Variants in CAD observed in about 807,000 individuals in gnomAD.
The protein encoded by CAD is carbamoyl-phosphate synthetase 2, aspartate transcarbamylase, and dihydroorotase, also known as multifunctional protein CAD.
A neutral mutation model predicts 237.2 loss-of-function variants in CAD; 81 were observed. The observed-to-expected ratio is 0.34, with a 90% CI of 0.29 to 0.41. The LOEUF (loss-of-function observed/expected upper bound fraction) is 0.41. Among genes scored for constraint, CAD ranks in the 10% least tolerant of loss-of-function variants. CAD has a pLI of 1.00. For missense variants in CAD, 2,181 were observed against 2,951.7 expected (o/e 0.74, Z 6.05); for synonymous variants, 1,196 against 1,162.8 (o/e 1.03, Z -0.58).
At position 27,225,017 on chromosome 2, in the gene CAD, G is replaced by A. The variant is rs753393523; in HGVS notation, c.1394G>A (p.Arg465His). 101 of 1,609,692 alleles carry A rather than the reference G, an allele frequency of 6.3e-5. No individual in the cohort carries two copies. Among genetic ancestry groups the A allele is most frequent in the Non-Finnish European group, 7.9e-5 (93 of 1,176,404 alleles). The change falls in exon 11 of 44, where the codon CGT becomes CAT. Residue 465 changes from arginine to histidine, a missense_variant. Physicochemically the swap from Arg to His is conservative, Grantham distance 29 (BLOSUM62 0). This residue lies in a region of CAD where 174 missense variants were observed against 215.8 expected (regional missense o/e 0.81). Transcript: ENST00000264705. ...ITPHYVTQVI[R>H]NERPDGVLLT... ...TCCCCTCTCCATCCTCAGGTGATACGTAATGAACGCCCCGATGGTGTGTTA... is the reference window on the plus strand; with the variant it reads ...TCCCCTCTCCATCCTCAGGTGATACATAATGAACGCCCCGATGGTGTGTTA...
chr2:27,231,894 C>G (rs765839105), intron 16 of CAD, 86 bp from the exon 17 acceptor site: 16 of 1,527,440 alleles, frequency 1.0e-5, no homozygotes, highest in African/African-American at 1.4e-5. Context: ...TACAGTTTCC[C>G]CTTCCTGAGA....
At position 27,243,440 on chromosome 2, in the gene CAD, C is replaced by T. The variant is rs747215375; in HGVS notation, c.6600C>T (p.Arg2200=). The change falls in exon 44 of 44, where the codon CGC becomes CGT. Residue 2200 remains arginine (R), a synonymous_variant. Coordinates refer to ENST00000264705, the MANE Select transcript of CAD (RefSeq NM_004341.5). ...GCGTGGAAGTGGACTCGGATCCCCG[C>T]GCAGCCTACTTCCGCCAGGCTGAGA... ...EISVEVDSDP[R]AAYFRQAENG... is the part of the protein sequence containing the mutation. 4.1e-5 allele frequency: 66 copies of T among 1,607,186 alleles called. No homozygotes were observed. The highest frequency in any genetic ancestry group is 2.6e-4 in the African/African-American group (19 of 73,862).
At chr2:27,234,249 C>T in intron 22 of CAD, 23 bp downstream of exon 22, 1 of 1,594,384 alleles carries the variant, frequency 6.3e-7, no homozygotes, top group South Asian at 1.1e-5. Context: ...AAGGAAAGAA[C>T]TAAAGGGCCA....
intron 15 of CAD, among the ~76,000 whole-genome samples, chr2:27,230,626 A>G (rs1278744445): frequency 7.0e-6 from 1 of 141,852 alleles, no homozygotes; most frequent in Non-Finnish European, 1.5e-5. Flanking sequence ...AAGTCCATCT[A>G]AAAAAAAAAA....
chr2:27,217,802 C>G (rs1371589499), intron 1 of CAD, 75 bp from the exon 2 acceptor site: 2 of 1,515,084 alleles, frequency 1.3e-6, no homozygotes, highest in African/African-American at 1.4e-5. Flanking sequence ...GCAGCCTCCA[C>G]TGGGGCGTGC....
rs1047699005 is a variant in CAD, at chr2:27,223,393, T to C, written c.810-170T>C. The stretch of plus-strand genomic sequence containing the variant: ...TTGCAGTGAGCGGAGATCGTGCCAT[T>C]GCCCTCCAGCCCGGGAAACAGAGGG... On this transcript the variant is annotated intron_variant, in intron 6 of 43. Coordinates refer to ENST00000264705, the MANE Select transcript of CAD (RefSeq NM_004341.5). Among the ~76,000 whole-genome samples the C allele has an allele frequency of 3.7e-4, 56 of 149,536 alleles. No homozygotes were observed. Among genetic ancestry groups the C allele is most frequent in the Non-Finnish European group, 7.5e-4 (51 of 67,568 alleles).
In CAD at chr2:27,239,908, A is replaced by G. The variant is rs1676217944; in HGVS notation, c.5496+110A>G. On this transcript the variant is annotated intron_variant, in intron 34 of 43. Transcript: ENST00000264705. The surrounding 1 kb of genome is among the most constrained non-coding windows in gnomAD (Gnocchi z 4.0). ...GGAACAATTGGGGTTTTCTTGAGGG[A>G]CTGAATTTGAAGTGGGGTTGGGTCA... 3 of 807,886 alleles carry G rather than the reference A, an allele frequency of 3.7e-6. No homozygotes were observed. Among genetic ancestry groups the G allele is most frequent in the Non-Finnish European group, 5.7e-6 (3 of 523,510 alleles). The allele number at this position is 807,886 out of a possible 1,614,324, so 50.0% of individuals were successfully genotyped here.
rs1367055620 is a variant in CAD, at chr2:27,243,852, G to A, written c.*334G>A. 3.7e-6 allele frequency: 1 copy of A among 269,136 alleles called. No individual in the cohort carries two copies. The highest frequency in any genetic ancestry group is 2.2e-5 in the African/African-American group (1 of 45,122). The allele number at this position is 269,136 out of a possible 1,614,324, so 16.7% of individuals were successfully genotyped here. ...AGCAGATTCCCAAATTATAAGAGCA[G>A]CCTCACCAGGCAGGGCTCTGGCTAG... On this transcript the variant is annotated 3_prime_UTR_variant, in exon 44 of 44. Coordinates refer to ENST00000264705, the MANE Select transcript of CAD (RefSeq NM_004341.5).
In CAD at chr2:27,232,652, A is replaced by G; in HGVS notation, c.2850A>G (p.Glu950=). ...TCTACCGTATTGGCTCTAGCGTTGA[A>G]TTTGACTGGTGTGCTGTAGGCTGCA... The part of the protein sequence containing the change: ...SGVYRIGSSV[E]FDWCAVGCIQ... Residue 950 remains glutamate, a synonymous_variant, in exon 18 of 44, where the codon GAA becomes GAG. Coordinates refer to ENST00000264705, the MANE Select transcript of CAD (RefSeq NM_004341.5). The surrounding 1 kb of genome is among the most constrained non-coding windows in gnomAD (Gnocchi z 4.1). 1 of 1,614,240 alleles carries G rather than the reference A, an allele frequency of 6.2e-7. No individual in the cohort carries two copies. Among genetic ancestry groups the G allele is most frequent in the African/African-American group, 1.3e-5 (1 of 75,072 alleles).
At position 27,221,204 on chromosome 2, in the gene CAD, C is replaced by T; in HGVS notation, c.223-14C>T. The T allele has an allele frequency of 1.3e-6, 2 of 1,495,458 alleles. No individual in the cohort carries two copies. Among genetic ancestry groups the T allele is most frequent in the Non-Finnish European group, 1.8e-6 (2 of 1,113,278 alleles). 92.6% of individuals were successfully genotyped at this position (1,495,458 alleles called of 1,614,324 possible). A position where few individuals can be genotyped will look rare whatever the true frequency, so the allele number is the denominator to read the frequency against. On this transcript the variant is annotated splice_polypyrimidine_tract_variant and intron_variant, in intron 2 of 43. Coordinates refer to ENST00000264705, the MANE Select transcript of CAD (RefSeq NM_004341.5). ...CTTGGCCTGAGGCTTCTCACAATCT[C>T]TTTCCATCTACAGTGGTTTGAATCC...
In CAD at chr2:27,242,290, CCTT is replaced by C. The variant is rs1676360254; in HGVS notation, c.6097-11_6097-9del. The C allele has an allele frequency of 6.2e-7, 1 of 1,603,952 alleles. No individual in the cohort carries two copies. Among genetic ancestry groups the C allele is most frequent in the African/African-American group, 1.3e-5 (1 of 74,698 alleles). ...TGAGCTGCAAAAGACAGGATTTTCCCCTTTTTTCCAGCTGGCCGCCAAGCACTG... is the reference window on the plus strand; with the variant it reads ...TGAGCTGCAAAAGACAGGATTTTCCCTTTTCCAGCTGGCCGCCAAGCACTG... On this transcript the variant is annotated splice_polypyrimidine_tract_variant and intron_variant, in intron 39 of 43. Coordinates refer to ENST00000264705, the MANE Select transcript of CAD (RefSeq NM_004341.5). The surrounding 1 kb of genome is among the most constrained non-coding windows in gnomAD (Gnocchi z 6.4).
Position 27,224,881 on chromosome 2 carries a change from G to A in CAD, c.1386+5G>A, listed in dbSNP as rs182598111. The A allele has an allele frequency of 2.5e-4, 399 of 1,614,188 alleles. 1 individual carries two copies. Among genetic ancestry groups the A allele is most frequent in the Non-Finnish European group, 3.0e-4 (349 of 1,180,026 alleles). ...ACACCTCATTATGTAACCCAGGTAT[G>A]ACTGGGGCAAGGCTGGAATGAAAAG... On this transcript the variant is annotated splice_donor_5th_base_variant and intron_variant, in intron 10 of 43. Transcript: ENST00000264705.
In CAD at chr2:27,242,796, C is replaced by A; in HGVS notation, c.6378+21C>A. 6.2e-7 allele frequency: 1 copy of A among 1,614,176 alleles called. No individual in the cohort carries two copies. The highest frequency in any genetic ancestry group is 1.1e-5 in the South Asian group (1 of 91,090). Reference sequence around the variant, plus strand: ...AGCAGGTGAGACCCTCACAGCCCTGCCTGGAAGCCATGGAGATGTGGGTTG... The same window carrying A: ...AGCAGGTGAGACCCTCACAGCCCTGACTGGAAGCCATGGAGATGTGGGTTG... On this transcript the variant is annotated intron_variant, in intron 41 of 43. Transcript: ENST00000264705. This position sits in a 1 kb window ranked among gnomAD's most constrained non-coding sequence, Gnocchi z 6.4.
In CAD at chr2:27,237,705, G is replaced by A. The variant is rs776913712; in HGVS notation, c.4564-13G>A. The A allele has an allele frequency of 3.7e-6, 6 of 1,609,360 alleles. No homozygotes were observed. Among genetic ancestry groups the A allele is most frequent in the East Asian group, 2.2e-5 (1 of 44,874 alleles). ...GGGTGCCAGTGAGCCTTACCTCTGT[G>A]TATCCTCTCCAGCTGGCAGAGGCTG... On this transcript the variant is annotated splice_polypyrimidine_tract_variant and intron_variant, in intron 28 of 43. Transcript: ENST00000264705. This position sits in a 1 kb window ranked among gnomAD's most constrained non-coding sequence, Gnocchi z 4.0.
rs766160183 is a variant in CAD at position 27,241,887 on chromosome 2, C to T, written c.5884-24C>T. The stretch of plus-strand genomic sequence containing the variant: ...CCCAGGGTGGACACGCATACGTACA[C>T]CTTCCATCTTGCTCTTTCCCTAGGG... On this transcript the variant is annotated intron_variant, in intron 38 of 43. Coordinates refer to ENST00000264705, the MANE Select transcript of CAD (RefSeq NM_004341.5). This position sits in a 1 kb window ranked among gnomAD's most constrained non-coding sequence, Gnocchi z 4.6. 3 of 1,599,602 alleles carry T rather than the reference C, an allele frequency of 1.9e-6. No homozygotes were observed. The highest frequency in any genetic ancestry group is 1.1e-5 in the South Asian group (1 of 90,640).
rs1399669652 is a variant in CAD, at chr2:27,232,853, C to T, written c.2892+159C>T. 5.3e-5 allele frequency among the ~76,000 whole-genome samples: 8 copies of T among 152,134 alleles called. No homozygotes were observed. The highest frequency in any genetic ancestry group is 8.8e-5 in the Non-Finnish European group (6 of 68,024). ...TTTAGGCCATCTCTCATGCCCCACA[C>T]GGTATATGAATCTCTTCCCCAACAC... On this transcript the variant is annotated intron_variant, in intron 18 of 43. Coordinates refer to ENST00000264705, the MANE Select transcript of CAD (RefSeq NM_004341.5). The surrounding 1 kb of genome is among the most constrained non-coding windows in gnomAD (Gnocchi z 4.1).
chr2:27,241,082 C>G lies in CAD; in HGVS notation c.5663C>G (p.Thr1888Ser). The G allele has an allele frequency of 6.2e-7, 1 of 1,609,080 alleles. No homozygotes were observed. The highest frequency in any genetic ancestry group is 1.1e-5 in the South Asian group (1 of 90,606). Residue 1888 changes from threonine to serine, a missense_variant, in exon 37 of 44, where the codon ACC (threonine) becomes AGC (serine). This residue lies in a region of CAD where 203 missense variants were observed against 284.5 expected (regional missense o/e 0.71). Coordinates refer to ENST00000264705, the MANE Select transcript of CAD (RefSeq NM_004341.5). The surrounding 1 kb of genome is among the most constrained non-coding windows in gnomAD (Gnocchi z 4.6). ...GAGCTGATGGGAACCCCTGATGGCA[C>G]CTGCTACCCTCCACCACCAGTACCG... Reference protein sequence around the residue: ...EPELMGTPDGTCYPPPPVPRQ... With the variant: ...EPELMGTPDGSCYPPPPVPRQ...
intron 31 of CAD, 130 bp downstream of exon 31, chr2:27,238,762 C>G: frequency 9.7e-6 from 8 of 824,856 alleles, no homozygotes; most frequent in Non-Finnish European, 1.5e-5. Flanking sequence ...GGACCCTAGC[C>G]TCTAGGGTAC....
In CAD at chr2:27,242,134, C is replaced by T. The variant is rs986548883; in HGVS notation, c.6096+11C>T. 6.2e-7 allele frequency: 1 copy of T among 1,611,464 alleles called. No individual in the cohort carries two copies. The highest frequency in any genetic ancestry group is 1.7e-5 in the Admixed American group (1 of 60,002). ...CCTGGAGCAGTGGAGGTGAGGCCAG[C>T]CTGGGTACTGAGATGGGGTTAAGAA... is the stretch of plus-strand genomic sequence containing the variant. On this transcript the variant is annotated intron_variant, in intron 39 of 43. Coordinates refer to ENST00000264705, the MANE Select transcript of CAD (RefSeq NM_004341.5). This position sits in a 1 kb window ranked among gnomAD's most constrained non-coding sequence, Gnocchi z 6.4.
Sources: allele counts gnomAD v4.1 joint callset (sites outside exome capture counted in the v4.1 genomes callset), GRCh38; gene constraint gnomAD v4.1.1; regional missense constraint gnomAD v4.1.1; non-coding constraint Gnocchi (gnomAD v3.1); transcripts MANE v1.5; gene names NCBI Gene and HGNC (gene_info 2026-07-23, HGNC 2026-07-21).